MATCAP2: variants seen among roughly 807,000 people sequenced by gnomAD.
The protein encoded by MATCAP2 is microtubule associated tyrosine carboxypeptidase 2.
the MATCAP2 span, among the ~76,000 whole-genome samples, chr7:36,370,075 CA>C: frequency 5.9e-5 from 9 of 152,212 alleles, no homozygotes; most frequent in African/African-American, 1.7e-4. Flanking sequence ...CTCTTGCTAA[CA>C]AATTCATGAA....
chr7:36,380,826 T>C, the MATCAP2 span, among the ~76,000 whole-genome samples: 1 of 152,270 alleles, frequency 6.6e-6, no homozygotes, highest in South Asian at 2.1e-4. Flanking sequence ...ACCTCCCAGG[T>C]TCAAGCGAGT....
At chr7:36,372,903 G>A in the MATCAP2 span, among the ~76,000 whole-genome samples, 2 of 152,094 alleles carry the variant, frequency 1.3e-5, no homozygotes, top group African/African-American at 4.8e-5. Context: ...TCAGAAGTTC[G>A]AGACCATCCT....
chr7:36,356,638 AC>A, the MATCAP2 span: 1 of 562,824 alleles, frequency 1.8e-6, no homozygotes, highest in South Asian at 2.5e-5. Flanking sequence ...AAAGCTTAGA[AC>A]CAGAATCTGA....
chr7:36,341,543 C>A, the MATCAP2 span, among the ~76,000 whole-genome samples: 26 of 152,250 alleles, frequency 1.7e-4, no homozygotes, highest in East Asian at 4.8e-3. Flanking sequence ...GGAGGTAGGG[C>A]CTTTGGAAAG....
At chr7:36,335,208 A>G in the MATCAP2 span, 41 of 1,607,578 alleles carry the variant, frequency 2.6e-5, no homozygotes, top group South Asian at 4.5e-4. Flanking sequence ...GTACACAGAC[A>G]TAAAACAAAA....
the MATCAP2 span, chr7:36,357,551 G>C: frequency 3.7e-6 from 6 of 1,613,694 alleles, no homozygotes; most frequent in Non-Finnish European, 5.1e-6. Flanking sequence ...ATTTAGAATA[G>C]ACTTCTTAGC....
chr7:36,390,193 C>T, the MATCAP2 span: 133 of 1,322,344 alleles, frequency 1.0e-4, no homozygotes, highest in African/African-American at 1.5e-3. Flanking sequence ...GTCGCCGCGG[C>T]TGCGGCCTGC....
At chr7:36,390,137 G>T in the MATCAP2 span, 14 of 1,596,430 alleles carry the variant, frequency 8.8e-6, no homozygotes, top group African/African-American at 1.3e-5. Context: ...CCCCCACCGG[G>T]CGGAGGGCGC....
the MATCAP2 span, among the ~76,000 whole-genome samples, chr7:36,347,045 C>T: frequency 6.6e-6 from 1 of 152,208 alleles, no homozygotes; most frequent in Admixed American, 6.5e-5. Context: ...AGGCCTGAGC[C>T]ACCGTGTCCG....
chr7:36,390,023 G>A, the MATCAP2 span: 1 of 1,613,974 alleles, frequency 6.2e-7, no homozygotes, highest in Non-Finnish European at 8.5e-7. Context: ...CGACGCCTGG[G>A]GCGATGGATC....
the MATCAP2 span, among the ~76,000 whole-genome samples, chr7:36,349,483 GAATT>G: frequency 4.6e-5 from 7 of 152,106 alleles, no homozygotes; most frequent in Non-Finnish European, 1.0e-4. Flanking sequence ...GCCAGGCAAA[GAATT>G]AAGTTGTCAC....
the MATCAP2 span, among the ~76,000 whole-genome samples, chr7:36,375,817 G>A: frequency 1.3e-5 from 2 of 152,312 alleles, no homozygotes; most frequent in African/African-American, 2.4e-5. Flanking sequence ...TTAGTCTTGG[G>A]AGGGTGTGTG....
the MATCAP2 span, chr7:36,355,373 T>G: frequency 6.6e-6 from 1 of 152,242 alleles, no homozygotes; most frequent in Non-Finnish European, 1.5e-5. Context: ...GTAATCACTA[T>G]GTTAATGCTG....
chr7:36,386,958 A>G, the MATCAP2 span, among the ~76,000 whole-genome samples: 3 of 152,192 alleles, frequency 2.0e-5, no homozygotes, highest in African/African-American at 2.4e-5. Flanking sequence ...TCATGGCATC[A>G]TGGGGTCTTT....
At chr7:36,357,947 C>T in the MATCAP2 span, among the ~76,000 whole-genome samples, 796 of 152,056 alleles carry the variant, frequency 5.2e-3, 13 homozygotes, top group African/African-American at 0.018. Flanking sequence ...ACCTGTAATC[C>T]CAGCATTTTG....
the MATCAP2 span, among the ~76,000 whole-genome samples, chr7:36,385,787 A>AAAAATAAAATAAAATAAAATAAAAT: frequency 3.0e-4 from 36 of 119,404 alleles, no homozygotes; most frequent in East Asian, 2.7e-3. Context: ...CCCTATTTCA[A>AAAAATAAAATAAAATAAAATAAAAT]AAAATAAAAT....
At chr7:36,379,847 C>CACACACACACACAGAGAGAGAGAG in the MATCAP2 span, among the ~76,000 whole-genome samples, 1 of 107,602 alleles carries the variant, frequency 9.3e-6, no homozygotes, top group South Asian at 3.3e-4. Flanking sequence ...CACACACACA[C>CACACACACACACAGAGAGAGAGAG]AGAGAGAGAG....
At chr7:36,375,032 T>C in the MATCAP2 span, among the ~76,000 whole-genome samples, 6 of 152,228 alleles carry the variant, frequency 3.9e-5, no homozygotes, top group African/African-American at 1.4e-4. Flanking sequence ...CAGCATGATT[T>C]ATAATCCTTT....
At chr7:36,347,521 T>C in the MATCAP2 span, among the ~76,000 whole-genome samples, 1 of 152,194 alleles carries the variant, frequency 6.6e-6, no homozygotes, top group African/African-American at 2.4e-5. Context: ...GACTGTGTGC[T>C]CTTAGGTTTG....
Sources: gnomAD v4.1 joint callset for allele counts (sites outside exome capture counted in the v4.1 genomes callset) on GRCh38, gnomAD v4.1.1 for gene constraint, MANE v1.5 for transcripts, NCBI Gene and HGNC (gene_info 2026-07-23, HGNC 2026-07-21) for gene names.